PELI1: variants seen among roughly 807,000 people sequenced by gnomAD.
PELI1 encodes the protein E3 ubiquitin-protein ligase pellino homolog 1.
Under a neutral mutation model 41.3 loss-of-function variants are expected in PELI1, and 15 were observed. The ratio of observed to expected loss-of-function variants is 0.36; its 90% CI spans 0.24 to 0.56. The LOEUF (loss-of-function observed/expected upper bound fraction) is 0.56. Ranked by LOEUF, PELI1 falls within the 20% of genes least tolerant of loss-of-function variation. PELI1 has a pLI of 0.82. For missense variants in PELI1, 403 were observed against 525.5 expected (o/e 0.77, Z 2.28); for synonymous variants, 178 against 180.1 (o/e 0.99, Z 0.09).
intron 1 of PELI1, among the ~76,000 whole-genome samples, chr2:64,141,475 G>T (rs1418300702): frequency 6.6e-6 from 1 of 152,144 alleles, no homozygotes; most frequent in African/African-American, 2.4e-5. Context: ...GGTAAAATGT[G>T]TATGTATATA....
At position 64,096,464 on chromosome 2, in the gene PELI1, T is replaced by C. The variant is rs756113294; in HGVS notation, c.450A>G (p.Thr150=). The C allele has an allele frequency of 2.5e-6, 4 of 1,613,904 alleles. No individual in the cohort carries two copies. Among genetic ancestry groups the C allele is most frequent in the Non-Finnish European group, 3.4e-6 (4 of 1,179,772 alleles). ...RIICERNPPF[T]ARIYAAGFDS... is the part of the protein sequence containing the mutation. ...CAAATCCTGCAGCATAAATCCGTGC[T>C]GTAAAGGGAGGATTCCGTTCACATA... is the stretch of plus-strand genomic sequence containing the variant. Residue 150 remains threonine (T), a synonymous_variant, in exon 5 of 7, where the codon ACA becomes ACG. Coordinates refer to ENST00000358912, the MANE Select transcript of PELI1 (RefSeq NM_020651.4).
At chr2:64,140,527 C>T (rs745714957) in intron 1 of PELI1, among the ~76,000 whole-genome samples, 7 of 151,990 alleles carry the variant, frequency 4.6e-5, no homozygotes, top group Non-Finnish European at 1.0e-4. Context: ...AGCTCTCTTT[C>T]TCTAGGCTTA....
At chr2:64,106,017 A>C (rs1366747108) in intron 2 of PELI1, among the ~76,000 whole-genome samples, 2 of 152,250 alleles carry the variant, frequency 1.3e-5, no homozygotes, top group African/African-American at 4.8e-5. Flanking sequence ...TTGACCCTTT[A>C]TAAAAAATAA....
intron 3 of PELI1, among the ~76,000 whole-genome samples, chr2:64,102,646 CTTTG>C (rs774116022): frequency 7.2e-5 from 11 of 152,078 alleles, no homozygotes; most frequent in East Asian, 1.9e-4. Context: ...AAATTGTAAT[CTTTG>C]TTTGTTAGTT....
intron 3 of PELI1, among the ~76,000 whole-genome samples, chr2:64,103,122 GT>G (rs1558474047): frequency 6.6e-6 from 1 of 152,120 alleles, no homozygotes; most frequent in African/African-American, 2.4e-5. Context: ...GATTATAGGT[GT>G]GAGCTACCGC....
intron 4 of PELI1, among the ~76,000 whole-genome samples, chr2:64,099,161 G>C (rs915324577): frequency 8.3e-6 from 1 of 120,718 alleles, no homozygotes; most frequent in Non-Finnish European, 1.8e-5. Flanking sequence ...AAATATCTTG[G>C]AGATACACAC....
At chr2:64,120,798 G>T (rs1345225456) in intron 1 of PELI1, among the ~76,000 whole-genome samples, 1 of 152,134 alleles carries the variant, frequency 6.6e-6, no homozygotes, top group Admixed American at 6.5e-5. Flanking sequence ...TTTTAAAAAA[G>T]TAGTATAAAA....
At chr2:64,112,193 C>T (rs189447470) in intron 1 of PELI1, among the ~76,000 whole-genome samples, 3 of 151,996 alleles carry the variant, frequency 2.0e-5, no homozygotes, top group Non-Finnish European at 2.9e-5. Context: ...TGTAAATGCC[C>T]GTATTTGGCT....
chr2:64,132,923 T>G (rs115948095), intron 1 of PELI1, among the ~76,000 whole-genome samples: 1 of 152,154 alleles, frequency 6.6e-6, no homozygotes, highest in African/African-American at 2.4e-5. Context: ...CTTAGGTAAT[T>G]TGTATAATAC....
rs967537634 is a variant in PELI1, at chr2:64,104,551, T to G, written c.201+150A>C. 5 of 1,241,334 alleles carry G rather than the reference T, an allele frequency of 4.0e-6. No individual in the cohort carries two copies. The East Asian group carries it at 1.3e-4, about 33-fold the overall frequency. 76.9% of individuals were successfully genotyped at this position (1,241,334 alleles called of 1,614,324 possible). On this transcript the variant is annotated intron_variant, in intron 3 of 6. Coordinates refer to ENST00000358912, the MANE Select transcript of PELI1 (RefSeq NM_020651.4). ...CCCTTCCATATGGCAGCTCTTCAAA[T>G]ACCATGTCTCCAAAGTCTCTTCTCC...
chr2:64,129,184 G>T (rs2103732417), intron 1 of PELI1, among the ~76,000 whole-genome samples: 1 of 152,166 alleles, frequency 6.6e-6, no homozygotes, highest in Non-Finnish European at 1.5e-5. Flanking sequence ...AAAAGCCAGG[G>T]TTCTCAAATT....
intron 1 of PELI1, among the ~76,000 whole-genome samples, chr2:64,121,574 A>G (rs1681212576): frequency 6.6e-6 from 1 of 152,224 alleles, no homozygotes; most frequent in South Asian, 2.1e-4. Flanking sequence ...AAAGTTCTAA[A>G]AAGACATTAA....
Position 64,095,269 on chromosome 2 carries a change from C to T in PELI1, c.691-1G>A, listed in dbSNP as rs1680193549. On this transcript the variant is annotated splice_acceptor_variant, in intron 6 of 6. Transcript: ENST00000358912. LOFTEE classifies it high-confidence loss of function. ...GTAACTGATTGGTTTCAATTTCCAC[C>T]TAGAGGAGACAAGAGTTGAAAAACA... The T allele has an allele frequency of 6.2e-7, 1 of 1,605,666 alleles. No homozygotes were observed. The highest frequency in any genetic ancestry group is 8.5e-7 in the Non-Finnish European group (1 of 1,173,058).
In PELI1 at chr2:64,108,258, C is replaced by A; in HGVS notation, c.53G>T (p.Gly18Val). Residue 18 changes from glycine to valine, a missense_variant, in exon 2 of 7, where the codon GGT becomes GTT. Physicochemically the swap from Gly to Val is moderately radical, Grantham distance 109 (BLOSUM62 -3). Coordinates refer to ENST00000358912, the MANE Select transcript of PELI1 (RefSeq NM_020651.4). ...ACCTTACCCTAAGACAATGAGTTCA[C>A]CATATTTTACTGGTGCTTTAGATGG... ...NHPSKAPVKY[G>V]ELIVLGYNGS... The A allele has an allele frequency of 6.3e-7, 1 of 1,587,872 alleles. No individual in the cohort carries two copies. The highest frequency in any genetic ancestry group is 8.6e-7 in the Non-Finnish European group (1 of 1,156,176).
At chr2:64,104,313 T>C (rs1409132062) in intron 3 of PELI1, among the ~76,000 whole-genome samples, 3 of 130,318 alleles carry the variant, frequency 2.3e-5, no homozygotes, top group Non-Finnish European at 4.8e-5. Flanking sequence ...TGAATACACA[T>C]ATTATACATC....
chr2:64,124,981 C>A (rs1335470480), intron 1 of PELI1, among the ~76,000 whole-genome samples: 2 of 148,716 alleles, frequency 1.3e-5, no homozygotes, highest in Non-Finnish European at 2.9e-5. Flanking sequence ...GTACAGCTCA[C>A]AGAAGAACAA....
intron 1 of PELI1, among the ~76,000 whole-genome samples, chr2:64,127,340 G>A (rs1681424511): frequency 6.6e-6 from 1 of 152,136 alleles, no homozygotes; most frequent in Non-Finnish European, 1.5e-5. Flanking sequence ...GGAGTTTGAG[G>A]CCAGCCTGGG....
At chr2:64,119,444 T>A (rs1681131613) in intron 1 of PELI1, among the ~76,000 whole-genome samples, 1 of 152,152 alleles carries the variant, frequency 6.6e-6, no homozygotes, top group Non-Finnish European at 1.5e-5. Context: ...AAAATCCAGA[T>A]TGTATTAAAG....
Position 64,094,793 on chromosome 2 carries a change from T to G in PELI1, c.1166A>C (p.His389Pro). The G allele has an allele frequency of 6.2e-7, 1 of 1,614,140 alleles. No homozygotes were observed. Among genetic ancestry groups the G allele is most frequent in the Non-Finnish European group, 8.5e-7 (1 of 1,179,998 alleles). Residue 389 changes from histidine to proline, a missense_variant, in exon 7 of 7, where the codon CAT becomes CCT. Physicochemically the swap from His to Pro is moderately conservative, Grantham distance 77. Coordinates refer to ENST00000358912, the MANE Select transcript of PELI1 (RefSeq NM_020651.4). ...AAAGGGACAGGCTGCATGAAAAGTA[T>G]GAGTACCATGAGGAAGTGGGATCTG... ...WSQIPLPHGT[H>P]TFHAACPFCA...
Sources: gnomAD v4.1 joint callset for allele counts (sites outside exome capture counted in the v4.1 genomes callset) on GRCh38, gnomAD v4.1.1 for gene constraint, MANE v1.5 for transcripts, NCBI Gene and HGNC (gene_info 2026-07-23, HGNC 2026-07-21) for gene names.